NFIB: variants seen among roughly 807,000 people sequenced by gnomAD.
NFIB encodes the protein nuclear factor I B.
Under a neutral mutation model 61.5 loss-of-function variants are expected in NFIB, and 11 were observed. The ratio of observed to expected loss-of-function variants is 0.18; its 90% confidence interval spans 0.11 to 0.30. The LOEUF (loss-of-function observed/expected upper bound fraction) is 0.30. NFIB is among the 10% of genes least tolerant of loss of function. The probability of loss-of-function intolerance (pLI) is 1.00; values close to 1 mark genes in which losing one functional copy is unlikely to be tolerated. For synonymous variants in NFIB, 260 were observed against 216.5 expected (o/e 1.20, Z -1.76); for missense variants, 471 against 608.9 (o/e 0.77, Z 2.38).
chr9:14,107,110 G>A (rs890591232), intron 10 of NFIB, among the ~76,000 whole-genome samples: 5 of 151,816 alleles, frequency 3.3e-5, no homozygotes, highest in African/African-American at 1.2e-4. Context: ...TTTTTGCGGT[G>A]GAAAACAGAT....
At chr9:14,127,263 T>G (rs965557874) in intron 6 of NFIB, among the ~76,000 whole-genome samples, 5 of 152,218 alleles carry the variant, frequency 3.3e-5, no homozygotes, top group Admixed American at 3.3e-4. Flanking sequence ...TTTTAACATC[T>G]TGAGTGCTGT....
At chr9:14,390,061 C>G (rs896673548) in intron 1 of NFIB, among the ~76,000 whole-genome samples, 2 of 152,248 alleles carry the variant, frequency 1.3e-5, no homozygotes, top group African/African-American at 2.4e-5. Flanking sequence ...AATCTGATCT[C>G]AGGGACAGTA....
At chr9:14,321,987 A>AGAACCCTGGGCC in intron 1 of NFIB, 1 of 1,231,104 alleles carries the variant, frequency 8.1e-7, no homozygotes, top group Middle Eastern at 3.1e-4. Context: ...AGTCTGTAAC[A>AGAACCCTGGGCC]GAACCCTGGG....
At chr9:14,460,066 C>T in the NFIB span, among the ~76,000 whole-genome samples, 1 of 152,108 alleles carries the variant, frequency 6.6e-6, no homozygotes, top group Non-Finnish European at 1.5e-5. Flanking sequence ...GACACATGCA[C>T]ACGTATGTTT....
At chr9:14,295,500 G>A (rs942225956) in intron 2 of NFIB, among the ~76,000 whole-genome samples, 2 of 151,968 alleles carry the variant, frequency 1.3e-5, no homozygotes, top group African/African-American at 4.8e-5. Context: ...GCGTGGGGAA[G>A]GGCGCCTGTA....
At chr9:14,501,881 A>G in the NFIB span, among the ~76,000 whole-genome samples, 1 of 152,218 alleles carries the variant, frequency 6.6e-6, no homozygotes, top group East Asian at 1.9e-4. Flanking sequence ...AATGAGAGGG[A>G]AAAGTAGATG....
chr9:14,100,369 T>C (rs1329323739), intron 10 of NFIB, among the ~76,000 whole-genome samples: 2 of 152,208 alleles, frequency 1.3e-5, no homozygotes, highest in Non-Finnish European at 2.9e-5. Flanking sequence ...CTGAGATTTA[T>C]TGCCCACTCA....
At chr9:14,295,799 T>C (rs1207695437) in intron 2 of NFIB, among the ~76,000 whole-genome samples, 1 of 152,212 alleles carries the variant, frequency 6.6e-6, no homozygotes, top group East Asian at 1.9e-4. Flanking sequence ...GTGCAGTGAA[T>C]TACGAGTACT....
chr9:14,457,393 G>T, the NFIB span, among the ~76,000 whole-genome samples: 8 of 152,208 alleles, frequency 5.3e-5, no homozygotes, highest in African/African-American at 1.9e-4. Context: ...CTCACTAAAT[G>T]CCCATAAGAG....
intron 2 of NFIB, among the ~76,000 whole-genome samples, chr9:14,263,655 C>T (rs1281387144): frequency 6.6e-6 from 1 of 152,140 alleles, no homozygotes; most frequent in African/African-American, 2.4e-5. Flanking sequence ...CTTTACTACT[C>T]AAAATCACCC....
In NFIB at chr9:14,175,163, A is replaced by ATTTTTTTTTTTTTTTTT. The variant is rs375736787; in HGVS notation, c.616+4563_616+4564insAAAAAAAAAAAAAAAAA. Among the ~76,000 whole-genome samples the ATTTTTTTTTTTTTTTTT allele has an allele frequency of 6.9e-5, 7 of 102,162 alleles. 2 individuals carry two copies. Among genetic ancestry groups the ATTTTTTTTTTTTTTTTT allele is most frequent in the Non-Finnish European group, 5.7e-5 (3 of 53,094 alleles). 67.0% of individuals were successfully genotyped at this position (102,162 alleles called of 152,430 possible). The stretch of plus-strand genomic sequence containing the variant: ...TCTCAAAATTTTTATGACTTAAAGA[A>ATTTTTTTTTTTTTTTTT]TTTCTTTTTTTTTTTTTTTTTTTTG... On this transcript the variant is annotated intron_variant, in intron 3 of 10. Coordinates refer to ENST00000380953, the MANE Select transcript of NFIB (RefSeq NM_001190737.2).
chr9:14,467,145 A>G, the NFIB span, among the ~76,000 whole-genome samples: 1 of 152,308 alleles, frequency 6.6e-6, no homozygotes, highest in South Asian at 2.1e-4. Flanking sequence ...TGTTTCCTTG[A>G]CAACTGTCAT....
At chr9:14,142,578 T>C (rs1329544262) in intron 6 of NFIB, among the ~76,000 whole-genome samples, 1 of 151,964 alleles carries the variant, frequency 6.6e-6, no homozygotes, top group Non-Finnish European at 1.5e-5. Context: ...TTACAAAAGA[T>C]TGCTCTAAAG....
At chr9:14,219,023 G>A (rs1478453921) in intron 2 of NFIB, among the ~76,000 whole-genome samples, 1 of 152,002 alleles carries the variant, frequency 6.6e-6, no homozygotes, top group Non-Finnish European at 1.5e-5. Flanking sequence ...TTCTCCTGCT[G>A]CAAAAACATT....
At chr9:14,173,496 G>A (rs2045805604) in intron 3 of NFIB, among the ~76,000 whole-genome samples, 1 of 151,934 alleles carries the variant, frequency 6.6e-6, no homozygotes, top group African/African-American at 2.4e-5. Context: ...AAAACATTTG[G>A]GAAAAGCAAG....
chr9:14,239,140 C>T (rs1025917972), intron 2 of NFIB, among the ~76,000 whole-genome samples: 1 of 152,166 alleles, frequency 6.6e-6, no homozygotes, highest in African/African-American at 2.4e-5. Flanking sequence ...TCCTAAAGAA[C>T]AAATTGATTC....
At chr9:14,147,788 C>A (rs992347406) in intron 5 of NFIB, among the ~76,000 whole-genome samples, 10 of 151,742 alleles carry the variant, frequency 6.6e-5, no homozygotes, top group African/African-American at 9.7e-5. Flanking sequence ...ACTATAGGTG[C>A]CTGTCACCAC....
the NFIB span, among the ~76,000 whole-genome samples, chr9:14,482,580 A>G: frequency 6.6e-6 from 1 of 152,234 alleles, no homozygotes; most frequent in African/African-American, 2.4e-5. Flanking sequence ...GCATTCCTCA[A>G]GTATGTCTAT....
At chr9:14,322,413 G>C (rs1376994953) in intron 1 of NFIB, 1 of 234,434 alleles carries the variant, frequency 4.3e-6, no homozygotes. Flanking sequence ...AGATGCAGCC[G>C]GCACGGCCCC....
Sources: allele counts gnomAD v4.1 joint callset (sites outside exome capture counted in the v4.1 genomes callset), GRCh38; gene constraint gnomAD v4.1.1; transcripts MANE v1.5; gene names NCBI Gene and HGNC (gene_info 2026-07-23, HGNC 2026-07-21).